PIK3C3: variants seen among roughly 807,000 people sequenced by gnomAD.
The protein encoded by PIK3C3 is PI3-kinase type 3.
PIK3C3 carries 95 observed loss-of-function variants against 126.1 expected under a neutral mutation model. The observed-to-expected ratio is 0.75, with a 90% CI of 0.64 to 0.89. The LOEUF (loss-of-function observed/expected upper bound fraction) is 0.89, where lower values mean the gene tolerates loss of function less well. Ranked by LOEUF, PIK3C3 falls within the 40% of genes least tolerant of loss-of-function variation. The probability of loss-of-function intolerance (pLI) is 0.00; values close to 1 mark genes in which losing one functional copy is unlikely to be tolerated. For missense variants in PIK3C3, 829 were observed against 1,063.2 expected, an observed-to-expected ratio of 0.78 and a Z score of 3.06; for synonymous variants, 374 against 360.0, an observed-to-expected ratio of 1.04 and a Z score of -0.44.
intron 5 of PIK3C3, 97 bp from the exon 6 acceptor site, chr18:41,990,362 A>G: frequency 1.4e-6 from 1 of 710,478 alleles, no homozygotes; most frequent in Admixed American, 2.3e-5. Context: ...TATTTGATAG[A>G]TACATGTATT....
intron 4 of PIK3C3, among the ~76,000 whole-genome samples, chr18:41,978,738 T>A (rs1266039450): frequency 6.6e-6 from 1 of 152,148 alleles, no homozygotes; most frequent in Non-Finnish European, 1.5e-5. Flanking sequence ...TAAGTAGTAA[T>A]TGAAAACCAA....
At chr18:42,047,500 A>G (rs1009200163) in intron 20 of PIK3C3, among the ~76,000 whole-genome samples, 1 of 152,078 alleles carries the variant, frequency 6.6e-6, no homozygotes, top group Non-Finnish European at 1.5e-5. Context: ...AATTGCATGT[A>G]TTGTGGCAGT....
chr18:42,044,482 A>G (rs1984471321), intron 20 of PIK3C3, among the ~76,000 whole-genome samples: 1 of 151,784 alleles, frequency 6.6e-6, no homozygotes, highest in South Asian at 2.1e-4. Context: ...GCGCAATCAC[A>G]GCTTACTGCG....
At chr18:42,064,452 AATAT>A (rs1012745169) in intron 22 of PIK3C3, among the ~76,000 whole-genome samples, 1 of 151,874 alleles carries the variant, frequency 6.6e-6, no homozygotes, top group African/African-American at 2.4e-5. Context: ...TCCCTTCTAA[AATAT>A]ATATATATAC....
chr18:42,067,659 T>G, intron 24 of PIK3C3, 146 bp downstream of exon 24: 3 of 807,648 alleles, frequency 3.7e-6, no homozygotes, highest in Non-Finnish European at 5.8e-6. Flanking sequence ...CCAGCTGAAG[T>G]GAATTGTGTT....
chr18:42,005,294 G>C (rs1376780348), intron 10 of PIK3C3, among the ~76,000 whole-genome samples: 1 of 152,158 alleles, frequency 6.6e-6, no homozygotes, highest in Non-Finnish European at 1.5e-5. Flanking sequence ...ACCTTAGGCA[G>C]TTGTAACGCA....
chr18:41,983,135 A>G (rs1387011651), intron 4 of PIK3C3, among the ~76,000 whole-genome samples: 1 of 152,104 alleles, frequency 6.6e-6, no homozygotes, highest in Non-Finnish European at 1.5e-5. Flanking sequence ...CACTGTTTCA[A>G]TTTGTAGTTA....
intron 21 of PIK3C3, chr18:42,049,843 C>T: frequency 3.0e-6 from 1 of 328,638 alleles, no homozygotes; most frequent in Non-Finnish European, 5.8e-6. Flanking sequence ...CGTGGTGGTA[C>T]ATGCCTGTAA....
chr18:42,019,791 A>C (rs2144416552), intron 12 of PIK3C3, among the ~76,000 whole-genome samples: 1 of 152,252 alleles, frequency 6.6e-6, no homozygotes, highest in South Asian at 2.1e-4. Flanking sequence ...TTTGAACTTA[A>C]TATTTCAAAA....
At chr18:41,987,003 G>A (rs1981512818) in intron 4 of PIK3C3, among the ~76,000 whole-genome samples, 1 of 152,004 alleles carries the variant, frequency 6.6e-6, no homozygotes, top group South Asian at 2.1e-4. Context: ...GTTCTTATAG[G>A]AAAGCTGTCA....
chr18:42,021,970 G>A (rs962205205), intron 13 of PIK3C3, among the ~76,000 whole-genome samples: 4 of 152,142 alleles, frequency 2.6e-5, no homozygotes, highest in Non-Finnish European at 1.5e-5. Context: ...TTTGCTTTTT[G>A]TGAGAAAATT....
chr18:42,042,315 C>G (rs150860190), intron 19 of PIK3C3, among the ~76,000 whole-genome samples: 358 of 152,302 alleles, frequency 2.4e-3, no homozygotes, highest in Non-Finnish European at 3.6e-3. Context: ...GTATGAATTT[C>G]TCCAGATTTT....
Position 42,087,115 on chromosome 18 carries a change from A to G in PIK3C3, c.*5978A>G, listed in dbSNP as rs1049565786. On this transcript the variant is annotated 3_prime_UTR_variant, in exon 25 of 25. Transcript: ENST00000262039. The stretch of plus-strand genomic sequence containing the variant: ...GTCTGGAGTACATACCCTGGGGTTC[A>G]TTGTTATAGGAGAATTTAGGACACA... 6.6e-6 allele frequency: 1 copy of G among 152,088 alleles called. No homozygotes were observed. Among genetic ancestry groups the G allele is most frequent in the Middle Eastern group, 3.2e-3 (1 of 316 alleles). 9.4% of individuals were successfully genotyped at this position (152,088 alleles called of 1,614,324 possible). A position where few individuals can be genotyped will look rare whatever the true frequency, so the allele number is the denominator to read the frequency against.
chr18:42,038,621 G>T (rs1425200786), intron 17 of PIK3C3, among the ~76,000 whole-genome samples, 160 bp from the exon 18 acceptor site: 1 of 152,144 alleles, frequency 6.6e-6, no homozygotes, highest in Non-Finnish European at 1.5e-5. Flanking sequence ...TGGGATTACA[G>T]TGGGGAACCA....
chr18:41,981,717 T>TG (rs1227358418), intron 4 of PIK3C3, among the ~76,000 whole-genome samples: 3 of 151,324 alleles, frequency 2.0e-5, no homozygotes, highest in African/African-American at 7.3e-5. Context: ...CCCAGTACTT[T>TG]GGGAGGCTGA....
intron 13 of PIK3C3, chr18:42,025,399 T>G (rs1289642268): frequency 6.6e-6 from 1 of 152,236 alleles, no homozygotes; most frequent in East Asian, 1.9e-4. Flanking sequence ...GGCTTTAGAT[T>G]CATGGACCAC....
chr18:42,047,246 A>G (rs1284895086), intron 20 of PIK3C3, among the ~76,000 whole-genome samples: 1 of 152,188 alleles, frequency 6.6e-6, no homozygotes, highest in African/African-American at 2.4e-5. Flanking sequence ...GCACTGATGT[A>G]CAGTGATGTT....
At chr18:42,066,967 C>T (rs1326960948) in intron 23 of PIK3C3, among the ~76,000 whole-genome samples, 4 of 151,838 alleles carry the variant, frequency 2.6e-5, no homozygotes, top group Non-Finnish European at 5.9e-5. Flanking sequence ...TATAATCTCA[C>T]CTTGCTTCAT....
chr18:41,977,873 C>T (rs1340135757), intron 4 of PIK3C3, among the ~76,000 whole-genome samples: 1 of 152,156 alleles, frequency 6.6e-6, no homozygotes, highest in African/African-American at 2.4e-5. Flanking sequence ...AGGCTTTTGT[C>T]AGATTATTGA....
Sources: allele counts gnomAD v4.1 joint callset (sites outside exome capture counted in the v4.1 genomes callset), GRCh38; gene constraint gnomAD v4.1.1; transcripts MANE v1.5; gene names NCBI Gene and HGNC (gene_info 2026-07-23, HGNC 2026-07-21).